Variants in APPBP2 observed in about 807,000 individuals in gnomAD.
APPBP2 encodes the protein amyloid beta precursor protein binding protein 2.
APPBP2 carries 15 observed loss-of-function variants against 76.0 expected under a neutral mutation model. The observed-to-expected ratio is 0.20, with a 90% CI of 0.13 to 0.30. The LOEUF (loss-of-function observed/expected upper bound fraction) is 0.30. APPBP2 is among the 10% of genes least tolerant of loss of function. The pLI is 1.00. For synonymous variants in APPBP2, 222 were observed against 242.2 expected (o/e 0.92, Z 0.77); for missense variants, 401 against 687.2 (o/e 0.58, Z 4.66).
At position 60,447,666 on chromosome 17, in the gene APPBP2, T is replaced by C. The variant is rs1207072945; in HGVS notation, c.1673A>G (p.Glu558Gly). Residue 558 changes from glutamate to glycine, a missense_variant, in exon 13 of 13, where the codon GAA (glutamate) becomes GGA (glycine). This residue lies in a region of APPBP2 where 56 missense variants were observed against 76.5 expected (regional missense o/e 0.73). Coordinates refer to ENST00000083182, the MANE Select transcript of APPBP2 (RefSeq NM_006380.5). The stretch of plus-strand genomic sequence containing the variant: ...GGACTGGGGGCTGGTGCTGACATCT[T>C]CAAGAGCATCTGTCACTGAATATTG... ...DRQYSVTDALEDVSTSPQSTE... is the reference protein window; with the variant it reads ...DRQYSVTDALGDVSTSPQSTE... The C allele has an allele frequency of 6.2e-7, 1 of 1,614,104 alleles. No homozygotes were observed. Among genetic ancestry groups the C allele is most frequent in the Non-Finnish European group, 8.5e-7 (1 of 1,180,022 alleles).
intron 4 of APPBP2, among the ~76,000 whole-genome samples, chr17:60,477,262 A>G (rs886644392): frequency 3.3e-5 from 5 of 152,228 alleles, no homozygotes; most frequent in African/African-American, 9.6e-5. Flanking sequence ...CCAAATTTAT[A>G]CAGGAACCTT....
chr17:60,478,436 T>C (rs958534841), intron 4 of APPBP2, among the ~76,000 whole-genome samples: 3 of 152,206 alleles, frequency 2.0e-5, no homozygotes, highest in Admixed American at 2.0e-4. Flanking sequence ...AGTAAAGCAC[T>C]AATCTTGTTA....
At chr17:60,509,070 C>G (rs1434649559) in intron 1 of APPBP2, among the ~76,000 whole-genome samples, 1 of 152,114 alleles carries the variant, frequency 6.6e-6, no homozygotes, top group Non-Finnish European at 1.5e-5. Context: ...CTGATCCAAA[C>G]AAGCAAACTA....
At chr17:60,525,673 T>G in intron 1 of APPBP2, 121 bp downstream of exon 1, 1 of 1,465,002 alleles carries the variant, frequency 6.8e-7, no homozygotes, top group Non-Finnish European at 9.2e-7. Context: ...GCACCAGACG[T>G]TTCGGGAGGC....
At chr17:60,494,917 A>C (rs1225618872) in intron 2 of APPBP2, among the ~76,000 whole-genome samples, 1 of 152,052 alleles carries the variant, frequency 6.6e-6, no homozygotes, top group East Asian at 1.9e-4. Flanking sequence ...ATAATTCACA[A>C]TAAAAAGGTA....
At chr17:60,481,691 T>G (rs1194102047) in intron 3 of APPBP2, among the ~76,000 whole-genome samples, 1 of 152,184 alleles carries the variant, frequency 6.6e-6, no homozygotes, top group African/African-American at 2.4e-5. Context: ...TTCAGCTAAG[T>G]CAAATCCAGA....
chr17:60,488,797 A>T (rs866624922), intron 3 of APPBP2, among the ~76,000 whole-genome samples: 3 of 152,174 alleles, frequency 2.0e-5, no homozygotes, highest in African/African-American at 7.2e-5. Flanking sequence ...AATTTCTCTC[A>T]CACACACATT....
At chr17:60,480,324 G>C (rs1234143456) in intron 3 of APPBP2, among the ~76,000 whole-genome samples, 2 of 152,058 alleles carry the variant, frequency 1.3e-5, no homozygotes, top group Non-Finnish European at 2.9e-5. Context: ...AGTGAGCGGA[G>C]ATCACACCAC....
intron 1 of APPBP2, among the ~76,000 whole-genome samples, chr17:60,501,811 A>C (rs928402498): frequency 6.6e-6 from 1 of 152,188 alleles, no homozygotes; most frequent in Non-Finnish European, 1.5e-5. Flanking sequence ...TGGAAAACAT[A>C]ATAAAACCTC....
intron 3 of APPBP2, among the ~76,000 whole-genome samples, chr17:60,486,191 G>C (rs922555619): frequency 1.3e-5 from 2 of 152,200 alleles, no homozygotes; most frequent in African/African-American, 2.4e-5. Context: ...GGGGTGGAGA[G>C]TTCTGTAGAT....
At chr17:60,479,397 A>C in intron 3 of APPBP2, 126 bp from the exon 4 acceptor site, 1 of 1,004,882 alleles carries the variant, frequency 1.0e-6, no homozygotes, top group Non-Finnish European at 1.4e-6. Context: ...TGTGTTTAGC[A>C]TACAACACAG....
intron 8 of APPBP2, 140 bp from the exon 9 acceptor site, chr17:60,460,927 T>C (rs1390863986): frequency 3.8e-6 from 3 of 789,066 alleles, no homozygotes; most frequent in East Asian, 6.5e-5. Flanking sequence ...TGTATTTAAA[T>C]TACAGAACAT....
chr17:60,451,782 T>G, intron 12 of APPBP2, 98 bp downstream of exon 12: 1 of 1,128,212 alleles, frequency 8.9e-7, no homozygotes, highest in Non-Finnish European at 1.2e-6. Flanking sequence ...CCCAGCCCCA[T>G]TTAAGTCTTT....
intron 1 of APPBP2, among the ~76,000 whole-genome samples, chr17:60,506,990 C>T (rs1223181782): frequency 6.6e-6 from 1 of 152,104 alleles, no homozygotes; most frequent in Non-Finnish European, 1.5e-5. Flanking sequence ...GAGCTGAAAT[C>T]ACGCCACTGC....
At chr17:60,513,374 A>G (rs2143488247) in intron 1 of APPBP2, 1 of 662,456 alleles carries the variant, frequency 1.5e-6, no homozygotes, top group South Asian at 1.6e-5. Context: ...TGGTCTATGA[A>G]GACATCTTTG....
At position 60,443,323 on chromosome 17, in the gene APPBP2, TGAA is replaced by T. The variant is rs1222496811; in HGVS notation, c.*4255_*4257del. 1.3e-5 allele frequency: 2 copies of T among 152,646 alleles called. No individual in the cohort carries two copies. Among genetic ancestry groups the T allele is most frequent in the East Asian group, 3.8e-4 (2 of 5,204 alleles). The allele number at this position is 152,646 out of a possible 1,614,324, so 9.5% of individuals were successfully genotyped here. A position where few individuals can be genotyped will look rare whatever the true frequency, so the allele number is the denominator to read the frequency against. On this transcript the variant is annotated 3_prime_UTR_variant, in exon 13 of 13. Transcript: ENST00000083182. ...GATATGAAAGGTCATCCTGACACAA[TGAA>T]GAACCGTCTTCAAAAATCTATTTAA...
Position 60,493,016 on chromosome 17 carries a change from G to A in APPBP2, c.379+1450C>T, listed in dbSNP as rs564760332. Among the ~76,000 whole-genome samples the A allele has an allele frequency of 5.3e-4, 80 of 152,238 alleles. 3 individuals are homozygous for A. The highest frequency in any genetic ancestry group is 2.6e-4 in the Non-Finnish European group (18 of 68,008). ...TGAAAGATAACTGAATCATAGGGCC[G>A]GTTCCCCAACACTGTTTTCATGCTA... is the stretch of plus-strand genomic sequence containing the variant. On this transcript the variant is annotated intron_variant, in intron 3 of 12. Transcript: ENST00000083182.
intron 1 of APPBP2, among the ~76,000 whole-genome samples, chr17:60,511,163 C>CA (rs1303731116): frequency 1.3e-5 from 2 of 152,170 alleles, no homozygotes; most frequent in Non-Finnish European, 2.9e-5. Context: ...ATACATAACA[C>CA]AATATATACC....
chr17:60,525,612 G>C (rs1041885594), intron 1 of APPBP2, among the ~76,000 whole-genome samples, 182 bp downstream of exon 1: 1 of 152,210 alleles, frequency 6.6e-6, no homozygotes, highest in Admixed American at 6.5e-5. Flanking sequence ...CAAAGCTTAA[G>C]AGACAGGGCA....
Sources: allele counts gnomAD v4.1 joint callset (sites outside exome capture counted in the v4.1 genomes callset), GRCh38; gene constraint gnomAD v4.1.1; regional missense constraint gnomAD v4.1.1; transcripts MANE v1.5; gene names NCBI Gene and HGNC (gene_info 2026-07-23, HGNC 2026-07-21).